The following PRKCE variants were observed in gnomAD, a reference collection of about 807,000 sequenced individuals.
PRKCE encodes protein kinase C epsilon type.
PRKCE carries 16 observed loss-of-function variants against 85.4 expected under a neutral mutation model. The observed-to-expected ratio is 0.19, with a 90% CI of 0.13 to 0.28. The LOEUF (loss-of-function observed/expected upper bound fraction) is 0.28, where lower values mean the gene tolerates loss of function less well. Ranked by LOEUF, PRKCE falls within the 10% of genes least tolerant of loss-of-function variation. The probability of loss-of-function intolerance (pLI) is 1.00; values close to 1 mark genes in which losing one functional copy is unlikely to be tolerated. For missense variants in PRKCE, 573 were observed against 975.2 expected, an observed-to-expected ratio of 0.59 and a Z score of 5.49; for synonymous variants, 388 against 371.5, an observed-to-expected ratio of 1.04 and a Z score of -0.51.
At chr2:46,183,723 T>A (rs974815252) in intron 14 of PRKCE, among the ~76,000 whole-genome samples, 14 of 152,224 alleles carry the variant, frequency 9.2e-5, no homozygotes, top group African/African-American at 2.9e-4. Context: ...CCTGCCAAGG[T>A]GCCTCCCTCC....
chr2:46,069,412 A>T (rs572651849), intron 10 of PRKCE, among the ~76,000 whole-genome samples: 11 of 152,254 alleles, frequency 7.2e-5, no homozygotes, highest in African/African-American at 2.4e-4. Flanking sequence ...TTTTTAAAGT[A>T]TATACTTTGC....
At chr2:46,154,839 A>G (rs1490848044) in intron 13 of PRKCE, among the ~76,000 whole-genome samples, 1 of 150,090 alleles carries the variant, frequency 6.7e-6, no homozygotes, top group Non-Finnish European at 1.5e-5. Flanking sequence ...AACCCACTAT[A>G]TATATTATGT....
At chr2:45,975,741 G>C (rs1702406417) in intron 2 of PRKCE, among the ~76,000 whole-genome samples, 2 of 152,180 alleles carry the variant, frequency 1.3e-5, no homozygotes, top group Non-Finnish European at 2.9e-5. Context: ...GGAAGGTATT[G>C]GGAAGATCTT....
intron 6 of PRKCE, among the ~76,000 whole-genome samples, chr2:45,989,854 A>G (rs1025127667): frequency 1.3e-5 from 2 of 152,210 alleles, no homozygotes; most frequent in Non-Finnish European, 2.9e-5. Context: ...AGATCCAAGC[A>G]AGACTGAAGT....
At chr2:46,070,340 G>A (rs866035096) in intron 10 of PRKCE, among the ~76,000 whole-genome samples, 2 of 152,186 alleles carry the variant, frequency 1.3e-5, no homozygotes, top group African/African-American at 2.4e-5. Context: ...CATTTTTGAT[G>A]TATAAAAAAA....
At chr2:45,711,923 T>TGTCCTGTCTTTTTGA in intron 1 of PRKCE, among the ~76,000 whole-genome samples, 1 of 151,778 alleles carries the variant, frequency 6.6e-6, no homozygotes, top group African/African-American at 2.4e-5. Context: ...ACGCCCGGCC[T>TGTCCTGTCTTTTTGA]CCATTATTAT....
intron 10 of PRKCE, among the ~76,000 whole-genome samples, chr2:46,050,299 C>T (rs1708777066): frequency 6.6e-6 from 1 of 152,240 alleles, no homozygotes; most frequent in African/African-American, 2.4e-5. Flanking sequence ...AAACAGGCTT[C>T]CTTCTAATCC....
At chr2:46,021,152 C>A (rs997091800) in intron 10 of PRKCE, among the ~76,000 whole-genome samples, 3 of 152,118 alleles carry the variant, frequency 2.0e-5, no homozygotes, top group Non-Finnish European at 4.4e-5. Context: ...GGAACAGACC[C>A]CTGATTTAGC....
At chr2:45,770,965 G>C (rs940516230) in intron 1 of PRKCE, 1 of 151,900 alleles carries the variant, frequency 6.6e-6, no homozygotes, top group African/African-American at 2.4e-5. Flanking sequence ...CATTGTTTAT[G>C]CTGGCCAGTT....
At chr2:45,732,127 T>A (rs370125144) in intron 1 of PRKCE, among the ~76,000 whole-genome samples, 5 of 152,248 alleles carry the variant, frequency 3.3e-5, no homozygotes, top group South Asian at 4.1e-4. Flanking sequence ...AACCTCAGTA[T>A]AAATGAAATT....
chr2:45,935,063 T>TCACACACA (rs747014186), intron 2 of PRKCE, among the ~76,000 whole-genome samples: 1 of 92,324 alleles, frequency 1.1e-5, no homozygotes, highest in Non-Finnish European at 2.1e-5. Context: ...ACTCACTCTC[T>TCACACACA]CTCTCACACA....
intron 2 of PRKCE, among the ~76,000 whole-genome samples, chr2:45,946,107 C>T (rs1700225134): frequency 6.6e-6 from 1 of 152,226 alleles, no homozygotes; most frequent in Admixed American, 6.5e-5. Flanking sequence ...AGGATGTTGG[C>T]CAGATACCAA....
chr2:46,061,664 C>T (rs1311008528), intron 10 of PRKCE, among the ~76,000 whole-genome samples: 1 of 152,208 alleles, frequency 6.6e-6, no homozygotes, highest in African/African-American at 2.4e-5. Context: ...CCCCAAGCCA[C>T]CTCCTTGGTA....
chr2:45,927,695 C>T (rs1163815301), intron 2 of PRKCE, among the ~76,000 whole-genome samples: 2 of 152,228 alleles, frequency 1.3e-5, no homozygotes, highest in Non-Finnish European at 2.9e-5. Flanking sequence ...AAATCTCTCG[C>T]ATAGAGGCTG....
At chr2:46,009,342 A>C in intron 9 of PRKCE, among the ~76,000 whole-genome samples, 1 of 152,358 alleles carries the variant, frequency 6.6e-6, no homozygotes, top group African/African-American at 2.4e-5. Flanking sequence ...CATGTGTATA[A>C]ATTTGTAAGA....
intron 1 of PRKCE, among the ~76,000 whole-genome samples, chr2:45,661,581 T>A (rs1221440210): frequency 7.2e-6 from 1 of 138,380 alleles, no homozygotes; most frequent in Non-Finnish European, 1.5e-5. Flanking sequence ...CAGGCTGGAG[T>A]GCAATGGTGC....
At chr2:45,837,036 ATAT>A (rs1401737026) in intron 1 of PRKCE, among the ~76,000 whole-genome samples, 1 of 152,178 alleles carries the variant, frequency 6.6e-6, no homozygotes, top group Non-Finnish European at 1.5e-5. Flanking sequence ...TTGACTTTGT[ATAT>A]TAGACCTCCC....
chr2:45,982,601 T>A (rs1019935053), intron 5 of PRKCE, among the ~76,000 whole-genome samples: 1 of 152,192 alleles, frequency 6.6e-6, no homozygotes, highest in African/African-American at 2.4e-5. Flanking sequence ...CCTCTCCATG[T>A]TCTCTCTGTG....
chr2:46,019,124 C>T (rs1466617698), intron 10 of PRKCE, among the ~76,000 whole-genome samples: 3 of 152,252 alleles, frequency 2.0e-5, no homozygotes, highest in Admixed American at 1.3e-4. Flanking sequence ...TGTGTGTATA[C>T]AGCAGGTCTT....
Sources: allele counts gnomAD v4.1 joint callset (sites outside exome capture counted in the v4.1 genomes callset), GRCh38; gene constraint gnomAD v4.1.1; transcripts MANE v1.5; gene names NCBI Gene and HGNC (gene_info 2026-07-23, HGNC 2026-07-21).